Variants in RABGAP1L observed in about 807,000 individuals in gnomAD.
RABGAP1L encodes rab GTPase-activating protein 1-like.
Under a neutral mutation model 137.7 loss-of-function variants are expected in RABGAP1L, and 63 were observed. The observed-to-expected ratio is 0.46, with a 90% confidence interval of 0.37 to 0.56. The LOEUF is 0.56. RABGAP1L is among the 20% of genes least tolerant of loss of function. The probability of loss-of-function intolerance (pLI) is 0.00; values close to 1 mark genes in which losing one functional copy is unlikely to be tolerated. For missense variants in RABGAP1L, 1,095 were observed against 1,244.0 expected, an observed-to-expected ratio of 0.88 and a Z score of 1.80; for synonymous variants, 431 against 433.7, an observed-to-expected ratio of 0.99 and a Z score of 0.08.
chr1:174,196,751 A>AT (rs1374149578), intron 1 of RABGAP1L, among the ~76,000 whole-genome samples: 1 of 152,040 alleles, frequency 6.6e-6, no homozygotes, highest in Non-Finnish European at 1.5e-5. Context: ...TCAATTAGAA[A>AT]TTTTATAAAC....
chr1:174,619,590 G>A (rs552752761), intron 13 of RABGAP1L, among the ~76,000 whole-genome samples: 28 of 152,202 alleles, frequency 1.8e-4, no homozygotes, highest in Non-Finnish European at 4.0e-4. Context: ...AGCAAATGCT[G>A]AGAGATTTTG....
intron 17 of RABGAP1L, among the ~76,000 whole-genome samples, chr1:174,728,978 CA>C (rs1056809104): frequency 3.3e-5 from 5 of 151,938 alleles, no homozygotes; most frequent in African/African-American, 1.2e-4. Context: ...TAAAACTATT[CA>C]AAAAATTCGT....
At chr1:174,769,480 G>C (rs1437577653) in intron 18 of RABGAP1L, among the ~76,000 whole-genome samples, 1 of 152,160 alleles carries the variant, frequency 6.6e-6, no homozygotes, top group Non-Finnish European at 1.5e-5. Context: ...AATAATGGCT[G>C]ACAATCACGT....
intron 19 of RABGAP1L, among the ~76,000 whole-genome samples, chr1:174,904,008 A>G (rs1658596649): frequency 6.6e-6 from 1 of 151,626 alleles, no homozygotes; most frequent in Non-Finnish European, 1.5e-5. Context: ...AAATGGTGAC[A>G]TGGAAGCAAG....
intron 5 of RABGAP1L, among the ~76,000 whole-genome samples, chr1:174,248,728 A>G (rs972657570): frequency 2.0e-5 from 3 of 152,222 alleles, no homozygotes; most frequent in Non-Finnish European, 4.4e-5. Flanking sequence ...AAGACCTCAT[A>G]CTTTAACAGA....
chr1:174,509,013 A>AC (rs1328374482), intron 13 of RABGAP1L, among the ~76,000 whole-genome samples: 1 of 152,210 alleles, frequency 6.6e-6, no homozygotes, highest in African/African-American at 2.4e-5. Context: ...TGTGCAGTGC[A>AC]CTATATAAAT....
intron 5 of RABGAP1L, among the ~76,000 whole-genome samples, chr1:174,250,240 A>G (rs1027818882): frequency 6.6e-6 from 1 of 152,140 alleles, no homozygotes; most frequent in East Asian, 1.9e-4. Flanking sequence ...TAGAGTTTGG[A>G]TGGTCTACAT....
At chr1:174,166,887 G>A (rs1664958284) in intron 1 of RABGAP1L, among the ~76,000 whole-genome samples, 1 of 152,168 alleles carries the variant, frequency 6.6e-6, no homozygotes, top group Non-Finnish European at 1.5e-5. Flanking sequence ...TGGTAAAGAA[G>A]TTGCTATAGT....
intron 18 of RABGAP1L, among the ~76,000 whole-genome samples, chr1:174,787,402 C>CAA (rs35930436): frequency 1.3e-4 from 16 of 119,886 alleles, no homozygotes; most frequent in African/African-American, 5.0e-4. Context: ...GACTCTGTGT[C>CAA]AAAAAAAAAA....
At chr1:174,186,075 C>T (rs1430755957) in intron 1 of RABGAP1L, among the ~76,000 whole-genome samples, 1 of 148,774 alleles carries the variant, frequency 6.7e-6, no homozygotes, top group East Asian at 2.0e-4. Flanking sequence ...ACCCGGGAGG[C>T]GGAGGTTGCG....
chr1:174,969,466 GC>G, intron 21 of RABGAP1L, 79 bp downstream of exon 21: 4 of 1,095,838 alleles, frequency 3.7e-6, no homozygotes, highest in Non-Finnish European at 5.4e-6. Context: ...CCACAAACTT[GC>G]TTTGTTCTTG....
rs138913254 is a variant in RABGAP1L, at chr1:174,710,773, A to G, written c.2169+8517A>G. Among the ~76,000 whole-genome samples the G allele has an allele frequency of 6.9e-3, 1,057 of 152,364 alleles. 9 individuals are homozygous for G. The highest frequency in any genetic ancestry group is 0.023 in the African/African-American group (977 of 41,580). ...AAGATACTGCATCAACTAATGGACAAAATAACCAGCTAGCATCATATGACA... is the reference window on the plus strand; with the variant it reads ...AAGATACTGCATCAACTAATGGACAGAATAACCAGCTAGCATCATATGACA... On this transcript the variant is annotated intron_variant, in intron 17 of 25. Coordinates refer to ENST00000681986, the MANE Select transcript of RABGAP1L (RefSeq NM_001366446.1).
chr1:174,992,039 TTAAA>T lies in RABGAP1L; in HGVS notation c.*2042_*2045del, dbSNP rs1342541601. 1 of 152,176 alleles carries T rather than the reference TTAAA, an allele frequency of 6.6e-6. No individual in the cohort carries two copies. Among genetic ancestry groups the T allele is most frequent in the East Asian group, 1.9e-4 (1 of 5,202 alleles). 9.4% of individuals were successfully genotyped at this position (152,176 alleles called of 1,614,324 possible). ...GAATGCCTAAAGTGTGTAATTTTCTTTAAATAATAGTAGGTGAGGGAGAAACATA... is the reference window on the plus strand; with the variant it reads ...GAATGCCTAAAGTGTGTAATTTTCTTTAATAGTAGGTGAGGGAGAAACATA... On this transcript the variant is annotated 3_prime_UTR_variant, in exon 26 of 26. Coordinates refer to ENST00000681986, the MANE Select transcript of RABGAP1L (RefSeq NM_001366446.1).
chr1:174,683,058 G>T (rs868621457), intron 14 of RABGAP1L, among the ~76,000 whole-genome samples: 228 of 111,646 alleles, frequency 2.0e-3, no homozygotes, highest in Middle Eastern at 5.7e-3. Context: ...TTCTAAAGGG[G>T]TTTTTTTTTT....
intron 1 of RABGAP1L, among the ~76,000 whole-genome samples, chr1:174,160,695 A>G (rs903854910): frequency 1.3e-5 from 2 of 152,202 alleles, no homozygotes; most frequent in African/African-American, 2.4e-5. Context: ...TTTTTAATAC[A>G]TTTAAATTTC....
At chr1:174,898,898 C>CA (rs1346366115) in intron 19 of RABGAP1L, among the ~76,000 whole-genome samples, 1 of 152,120 alleles carries the variant, frequency 6.6e-6, no homozygotes, top group Non-Finnish European at 1.5e-5. Flanking sequence ...TACAGTCTAG[C>CA]AGGCAAGATT....
At chr1:174,358,504 C>T (rs1486545154) in intron 11 of RABGAP1L, among the ~76,000 whole-genome samples, 1 of 152,088 alleles carries the variant, frequency 6.6e-6, no homozygotes, top group East Asian at 1.9e-4. Context: ...GCACAGACAT[C>T]AGGAACTGGT....
intron 7 of RABGAP1L, among the ~76,000 whole-genome samples, chr1:174,255,127 A>T (rs1403668794): frequency 6.6e-6 from 1 of 152,200 alleles, no homozygotes; most frequent in Non-Finnish European, 1.5e-5. Flanking sequence ...TTGGCCGCAT[A>T]AATGTCTTCT....
At chr1:174,430,407 C>A (rs954840103) in intron 13 of RABGAP1L, among the ~76,000 whole-genome samples, 2 of 151,842 alleles carry the variant, frequency 1.3e-5, no homozygotes, top group African/African-American at 2.4e-5. Flanking sequence ...TCTTATAGCA[C>A]CCTCATGATT....
Sources: gnomAD v4.1 joint callset for allele counts (sites outside exome capture counted in the v4.1 genomes callset) on GRCh38, gnomAD v4.1.1 for gene constraint, MANE v1.5 for transcripts, NCBI Gene and HGNC (gene_info 2026-07-23, HGNC 2026-07-21) for gene names.